The following IL1RL1 variants were observed in gnomAD, a reference collection of about 807,000 sequenced individuals.
The protein encoded by IL1RL1 is interleukin 1 receptor like 1.
IL1RL1 carries 32 observed loss-of-function variants against 50.9 expected under a neutral mutation model. The ratio of observed to expected loss-of-function variants is 0.63; its 90% CI spans 0.47 to 0.84. The LOEUF is 0.84. IL1RL1 is among the 40% of genes least tolerant of loss of function. The pLI, the probability that IL1RL1 is intolerant of heterozygous loss-of-function variation, is 0.00. For synonymous variants in IL1RL1, 275 were observed against 236.0 expected (o/e 1.17, Z -1.51); for missense variants, 773 against 662.9 (o/e 1.17, Z -1.82).
intron 1 of IL1RL1, among the ~76,000 whole-genome samples, chr2:102,334,782 T>C (rs1386212695): frequency 1.3e-5 from 2 of 152,198 alleles, no homozygotes; most frequent in Non-Finnish European, 2.9e-5. Context: ...GTGTGATATC[T>C]GCTAAGTCAA....
At chr2:102,315,303 A>AC (rs76372904) in intron 1 of IL1RL1, among the ~76,000 whole-genome samples, 26,175 of 152,134 alleles carry the variant, frequency 0.17, 2,561 homozygotes, top group African/African-American at 0.25. Context: ...TACCCACAGG[A>AC]CCAGTCAGCA....
chr2:102,328,614 C>A (rs1472968345), intron 1 of IL1RL1, among the ~76,000 whole-genome samples: 2 of 152,176 alleles, frequency 1.3e-5, no homozygotes, highest in East Asian at 1.9e-4. Flanking sequence ...ACCCCATCAT[C>A]TCCTTAAGCT....
rs1446479160 is a variant in IL1RL1, at chr2:102,340,242, C to T, written c.417C>T (p.Tyr139=). Residue 139 remains tyrosine (Y), a synonymous_variant, in exon 4 of 11, where the codon TAC becomes TAT. Transcript: ENST00000233954. ...TTTATTGTCCTACCATTGACCTCTA[C>T]AACTGGACAGCACCTCTTGAGTGGT... The part of the protein sequence containing the change: ...SKIYCPTIDL[Y]NWTAPLEWFK... The T allele has an allele frequency of 6.2e-7, 1 of 1,602,580 alleles. No homozygotes were observed. The highest frequency in any genetic ancestry group is 8.5e-7 in the Non-Finnish European group (1 of 1,177,364).
At chr2:102,348,934 G>A (rs942810841) in intron 9 of IL1RL1, 145 bp from the exon 10 acceptor site, 4 of 615,482 alleles carry the variant, frequency 6.5e-6, no homozygotes, top group Non-Finnish European at 8.6e-6. Flanking sequence ...GTGGTTTGAC[G>A]TCAACATCTC....
At chr2:102,345,697 A>C (rs574262047) in intron 8 of IL1RL1, 1 of 985,396 alleles carries the variant, frequency 1.0e-6, no homozygotes, top group Non-Finnish European at 1.2e-6. Context: ...TAAGTTTTTC[A>C]TAAAATAAAC....
At position 102,340,697 on chromosome 2, in the gene IL1RL1, G is replaced by A; in HGVS notation, c.479G>A (p.Arg160Lys). The A allele has an allele frequency of 6.3e-7, 1 of 1,598,136 alleles. No individual in the cohort carries two copies. The highest frequency in any genetic ancestry group is 8.5e-7 in the Non-Finnish European group (1 of 1,175,718). The change falls in exon 5 of 11, where the codon AGG (arginine) becomes AAG (lysine). Residue 160 changes from arginine (R) to lysine (K), a missense_variant. Coordinates refer to ENST00000233954, the MANE Select transcript of IL1RL1 (RefSeq NM_016232.5). Reference protein sequence around the residue: ...NCQALQGSRYRAHKSFLVIDN... With the variant: ...NCQALQGSRYKAHKSFLVIDN... ...CAGGCTCTTCAAGGATCAAGGTACA[G>A]GGCGCACAAGTCATTTTTGGTCATT... is the stretch of plus-strand genomic sequence containing the variant.
At chr2:102,325,200 C>G (rs982238805) in intron 1 of IL1RL1, among the ~76,000 whole-genome samples, 2 of 152,304 alleles carry the variant, frequency 1.3e-5, no homozygotes, top group Admixed American at 1.3e-4. Context: ...TCACCAATAT[C>G]CGCTGTTCTG....
At chr2:102,349,794 C>T (rs888146119) in intron 10 of IL1RL1, among the ~76,000 whole-genome samples, 1 of 152,276 alleles carries the variant, frequency 6.6e-6, no homozygotes, top group African/African-American at 2.4e-5. Context: ...TATCACAACT[C>T]CTGTGTTTGC....
In IL1RL1 at chr2:102,349,154, A is replaced by G; in HGVS notation, c.1193A>G (p.Glu398Gly). Reference protein sequence around the residue: ...KSSTDGASRVEHFVHQILPDV... With the variant: ...KSSTDGASRVGHFVHQILPDV... ...AGTACAGATGGGGCCAGTCGTGTAGAGCACTTTGTTCACCAGATTCTGCCT... is the reference window on the plus strand; with the variant it reads ...AGTACAGATGGGGCCAGTCGTGTAGGGCACTTTGTTCACCAGATTCTGCCT... Residue 398 changes from glutamate to glycine, a missense_variant, in exon 10 of 11, where the codon GAG becomes GGG. Transcript: ENST00000233954. 1.2e-6 allele frequency: 2 copies of G among 1,613,370 alleles called. No individual in the cohort carries two copies. Among genetic ancestry groups the G allele is most frequent in the Non-Finnish European group, 1.7e-6 (2 of 1,179,318 alleles).
intron 1 of IL1RL1, among the ~76,000 whole-genome samples, chr2:102,323,349 T>G (rs1181523460): frequency 6.6e-6 from 1 of 151,462 alleles, no homozygotes; most frequent in Non-Finnish European, 1.5e-5. Flanking sequence ...CATTTTTAAG[T>G]GTAAAGTTCA....
At chr2:102,322,799 C>T (rs1676872005) in intron 1 of IL1RL1, among the ~76,000 whole-genome samples, 1 of 152,224 alleles carries the variant, frequency 6.6e-6, no homozygotes, top group East Asian at 1.9e-4. Flanking sequence ...GTTGCCCTCA[C>T]ACCTTTCCAA....
At chr2:102,349,669 T>C (rs1461501097) in intron 10 of IL1RL1, among the ~76,000 whole-genome samples, 2 of 152,252 alleles carry the variant, frequency 1.3e-5, no homozygotes, top group Admixed American at 1.3e-4. Flanking sequence ...AGAGTCTTCA[T>C]GACTTTCTTT....
chr2:102,332,701 C>A (rs12479210), intron 1 of IL1RL1, among the ~76,000 whole-genome samples: 1 of 151,852 alleles, frequency 6.6e-6, no homozygotes, highest in Non-Finnish European at 1.5e-5. Context: ...GGGTTATACT[C>A]GGGGATGGTG....
chr2:102,324,631 G>T (rs1676937898), intron 1 of IL1RL1, among the ~76,000 whole-genome samples: 1 of 152,192 alleles, frequency 6.6e-6, no homozygotes, highest in African/African-American at 2.4e-5. Flanking sequence ...ATGGCACCTG[G>T]AAAATCGGGT....
At position 102,340,652 on chromosome 2, in the gene IL1RL1, A is replaced by G. The variant is rs1392827728; in HGVS notation, c.448-14A>G. On this transcript the variant is annotated splice_polypyrimidine_tract_variant and intron_variant, in intron 4 of 10. Coordinates refer to ENST00000233954, the MANE Select transcript of IL1RL1 (RefSeq NM_016232.5). ...GAAGAATTACTGAGAAGGAAATGGAATTTCTTATTTCAGAATTGTCAGGCT... is the reference window on the plus strand; with the variant it reads ...GAAGAATTACTGAGAAGGAAATGGAGTTTCTTATTTCAGAATTGTCAGGCT... 1 of 1,577,856 alleles carries G rather than the reference A, an allele frequency of 6.3e-7. No individual in the cohort carries two copies. Among genetic ancestry groups the G allele is most frequent in the Non-Finnish European group, 8.5e-7 (1 of 1,169,630 alleles).
intron 1 of IL1RL1, among the ~76,000 whole-genome samples, chr2:102,332,792 A>T (rs888584338): frequency 2.0e-5 from 3 of 152,168 alleles, no homozygotes; most frequent in Non-Finnish European, 4.4e-5. Flanking sequence ...TGCACTTCGA[A>T]ATAGTTAATT....
intron 8 of IL1RL1, among the ~76,000 whole-genome samples, chr2:102,347,619 G>T (rs1009006109): frequency 6.6e-6 from 1 of 152,098 alleles, no homozygotes; most frequent in African/African-American, 2.4e-5. Flanking sequence ...CTCCAGGAAG[G>T]CTCCCTTTCC....
Position 102,340,808 on chromosome 2 carries a change from C to T in IL1RL1, c.590C>T (p.Thr197Ile). The T allele has an allele frequency of 6.3e-7, 1 of 1,575,132 alleles. No individual in the cohort carries two copies. Among genetic ancestry groups the T allele is most frequent in the Non-Finnish European group, 8.6e-7 (1 of 1,168,346 alleles). Residue 197 changes from threonine to isoleucine, a missense_variant, in exon 5 of 11, where the codon ACC (threonine) becomes ATC (isoleucine). Physicochemically the swap from Thr to Ile is moderately conservative, Grantham distance 89 (BLOSUM62 -1). Transcript: ENST00000233954. ...GGAGCCAATTATAGTGTGACGGCGA[C>T]CAGGTCCTTCACGGTCAAGGGTAAG... ...ENGANYSVTA[T>I]RSFTVKDEQG...
chr2:102,320,600 G>A (rs1157347605), intron 1 of IL1RL1, among the ~76,000 whole-genome samples: 2 of 152,136 alleles, frequency 1.3e-5, no homozygotes, highest in African/African-American at 4.8e-5. Context: ...CAAAACTAGT[G>A]TAATCCTACT....
Sources: allele counts gnomAD v4.1 joint callset (sites outside exome capture counted in the v4.1 genomes callset), GRCh38; gene constraint gnomAD v4.1.1; transcripts MANE v1.5; gene names NCBI Gene and HGNC (gene_info 2026-07-23, HGNC 2026-07-21).